The following UNC13A variants were observed in gnomAD, a reference collection of about 807,000 sequenced individuals.
The protein encoded by UNC13A is unc-13 homolog A, also known as protein unc-13 homolog A.
In UNC13A, 61 loss-of-function variants were observed where a neutral mutation model predicts 219.7. The ratio of observed to expected loss-of-function variants is 0.28; its 90% CI spans 0.23 to 0.34. The LOEUF (loss-of-function observed/expected upper bound fraction) is 0.34. Ranked by LOEUF, UNC13A falls within the 10% of genes least tolerant of loss-of-function variation. UNC13A has a pLI of 1.00. For synonymous variants in UNC13A, 920 were observed against 884.6 expected (o/e 1.04, Z -0.71); for missense variants, 1,476 against 2,270.3 (o/e 0.65, Z 7.11).
chr19:17,616,227 T>C (rs1261882779), intron 41 of UNC13A, among the ~76,000 whole-genome samples: 5 of 152,140 alleles, frequency 3.3e-5, no homozygotes, highest in Non-Finnish European at 7.4e-5. Flanking sequence ...TTCTTCCCCA[T>C]GTAGAACCAG....
intron 28 of UNC13A, among the ~76,000 whole-genome samples, chr19:17,632,305 A>G (rs1002055726): frequency 2.0e-5 from 3 of 152,276 alleles, no homozygotes; most frequent in Admixed American, 1.3e-4. Flanking sequence ...TCGGCCTCCC[A>G]AAGTCCTGGG....
At chr19:17,622,988 G>A (rs1246625125) in intron 36 of UNC13A, 1 of 152,638 alleles carries the variant, frequency 6.6e-6, no homozygotes, top group Non-Finnish European at 1.5e-5. Flanking sequence ...GCACCTGGGT[G>A]TATGTCTGGG....
chr19:17,655,003 T>C (rs1383367533), intron 11 of UNC13A, among the ~76,000 whole-genome samples: 5 of 152,064 alleles, frequency 3.3e-5, no homozygotes, highest in Non-Finnish European at 5.9e-5. Context: ...GCTGTGTGTG[T>C]ATGTGGCTAA....
intron 11 of UNC13A, among the ~76,000 whole-genome samples, chr19:17,653,397 G>C (rs575918648): frequency 1.8e-4 from 27 of 151,892 alleles, no homozygotes; most frequent in African/African-American, 6.5e-4. Context: ...GCCCAGGCTG[G>C]AGTGCAGTGG....
chr19:17,630,613 G>A (rs10417445), intron 29 of UNC13A, 41 bp downstream of exon 29: 136,422 of 1,605,630 alleles, frequency 0.085, 8,136 homozygotes, highest in African/African-American at 0.31. Context: ...ATTGACCCCA[G>A]TGGGAAGATT....
At chr19:17,623,436 A>G (rs2076750002) in intron 36 of UNC13A, 106 bp downstream of exon 36, 1 of 627,034 alleles carries the variant, frequency 1.6e-6, no homozygotes. Context: ...ATGGTGGGTG[A>G]GGAGGGGGCG....
At chr19:17,643,015 ATT>A (rs796922566) in intron 19 of UNC13A, 55 bp from the exon 20 acceptor site, 750 of 1,145,450 alleles carry the variant, frequency 6.5e-4, no homozygotes, top group South Asian at 9.9e-4. Context: ...GCAGTGGGCA[ATT>A]TTTTTTTTTT....
chr19:17,675,628 C>T (rs2079882404), intron 2 of UNC13A, among the ~76,000 whole-genome samples: 1 of 111,116 alleles, frequency 9.0e-6, no homozygotes, highest in African/African-American at 4.8e-5. Flanking sequence ...GAGACTCTGT[C>T]TCAAAAAAAA....
In UNC13A at chr19:17,652,677, C is replaced by T. The variant is rs1420168682; in HGVS notation, c.1393G>A (p.Ala465Thr). The T allele has an allele frequency of 2.5e-6, 4 of 1,613,748 alleles. No homozygotes were observed. Among genetic ancestry groups the T allele is most frequent in the Non-Finnish European group, 3.4e-6 (4 of 1,179,738 alleles). Residue 465 changes from alanine to threonine, a missense_variant and splice_region_variant, in exon 12 of 44, where the codon GCC (alanine) becomes ACC (threonine). Physicochemically the swap from Ala to Thr is moderately conservative, Grantham distance 58 (BLOSUM62 0). Transcript: ENST00000519716. ...TTAGACATCTCTCCTTCTCCCCGGG[C>T]CTGCAGGACAGACAGACAGATATGG... The part of the protein sequence containing the change: ...FNKVRMQLQE[A>T]RGEGEMSKSL...
Position 17,648,610 on chromosome 19 carries a change from T to C in UNC13A, c.1637A>G (p.Tyr546Cys). Residue 546 changes from tyrosine (Y) to cysteine (C), a missense_variant, in exon 16 of 44, where the codon TAC (tyrosine) becomes TGC (cysteine). Coordinates refer to ENST00000519716, the MANE Select transcript of UNC13A (RefSeq NM_001080421.3). ...VYKKTLQALIYPISCTTPHNF... is the reference protein window; with the variant it reads ...VYKKTLQALICPISCTTPHNF... ...GTGTGGCGTCGTGCACGAGATGGGGTAGATTAAGGCTTGCAGGGTCTTCTT... is the reference window on the plus strand; with the variant it reads ...GTGTGGCGTCGTGCACGAGATGGGGCAGATTAAGGCTTGCAGGGTCTTCTT... 1 of 1,612,642 alleles carries C rather than the reference T, an allele frequency of 6.2e-7. No homozygotes were observed. Among genetic ancestry groups the C allele is most frequent in the Non-Finnish European group, 8.5e-7 (1 of 1,179,008 alleles).
At chr19:17,650,609 C>T (rs995944332) in intron 12 of UNC13A, among the ~76,000 whole-genome samples, 9 of 152,068 alleles carry the variant, frequency 5.9e-5, no homozygotes, top group African/African-American at 2.2e-4. Context: ...CCCCAAGTAG[C>T]TGGGATTACA....
chr19:17,685,316 G>A (rs952779308), intron 1 of UNC13A, among the ~76,000 whole-genome samples: 1 of 151,820 alleles, frequency 6.6e-6, no homozygotes, highest in South Asian at 2.1e-4. Context: ...TCAGCCTCCC[G>A]AGTAGCTGAG....
At chr19:17,686,704 T>C (rs958880478) in intron 1 of UNC13A, among the ~76,000 whole-genome samples, 2 of 151,968 alleles carry the variant, frequency 1.3e-5, no homozygotes, top group Admixed American at 6.6e-5. Context: ...AGTAGGCCCC[T>C]GTCCCTTTAA....
Position 17,669,553 on chromosome 19 carries a change from C to T in UNC13A, c.394G>A (p.Asp132Asn), listed in dbSNP as rs1307065114. The T allele has an allele frequency of 6.2e-7, 1 of 1,613,494 alleles. No homozygotes were observed. The highest frequency in any genetic ancestry group is 8.5e-7 in the Non-Finnish European group (1 of 1,179,664). Residue 132 changes from aspartate to asparagine, a missense_variant and splice_region_variant, in exon 5 of 44, where the codon GAC (aspartate) becomes AAC (asparagine). Physicochemically the swap from Asp to Asn is conservative, Grantham distance 23. Coordinates refer to ENST00000519716, the MANE Select transcript of UNC13A (RefSeq NM_001080421.3). ...GAAGGTCCCGGGCCCCTGTACTCACCTAAGGGTAGCTCAAAGCGCGTGTCC... is the reference window on the plus strand; with the variant it reads ...GAAGGTCCCGGGCCCCTGTACTCACTTAAGGGTAGCTCAAAGCGCGTGTCC... Reference protein sequence around the residue: ...LLDTRFELPLDIPEEEARYWA... With the variant: ...LLDTRFELPLNIPEEEARYWA...
chr19:17,664,771 G>A (rs1253566105), intron 7 of UNC13A, among the ~76,000 whole-genome samples: 2 of 152,134 alleles, frequency 1.3e-5, no homozygotes, highest in Admixed American at 1.3e-4. Context: ...AGTTAGTGTG[G>A]AAACAGGGTA....
intron 26 of UNC13A, among the ~76,000 whole-genome samples, chr19:17,633,516 A>G (rs1208094469): frequency 6.6e-6 from 1 of 151,848 alleles, no homozygotes; most frequent in African/African-American, 2.4e-5. Context: ...GCAACTGTCC[A>G]CCCATCCATG....
At chr19:17,681,733 G>A (rs1011718919) in intron 1 of UNC13A, among the ~76,000 whole-genome samples, 1 of 152,170 alleles carries the variant, frequency 6.6e-6, no homozygotes, top group African/African-American at 2.4e-5. Flanking sequence ...GCTAAGAGCT[G>A]TCCCCCAGAG....
chr19:17,645,660 C>G lies in UNC13A; in HGVS notation c.2356+14G>C, dbSNP rs1417752268. Reference sequence around the variant, plus strand: ...GACCCGTCCCCACCCGCTTCAGAACCCAGCTTCTCTCACCCAGGTTGTACC... The same window carrying G: ...GACCCGTCCCCACCCGCTTCAGAACGCAGCTTCTCTCACCCAGGTTGTACC... On this transcript the variant is annotated intron_variant, in intron 19 of 43. Coordinates refer to ENST00000519716, the MANE Select transcript of UNC13A (RefSeq NM_001080421.3). 6.2e-7 allele frequency: 1 copy of G among 1,614,048 alleles called. No individual in the cohort carries two copies. Among genetic ancestry groups the G allele is most frequent in the Non-Finnish European group, 8.5e-7 (1 of 1,179,926 alleles).
At chr19:17,653,679 G>A (rs1568528901) in intron 11 of UNC13A, among the ~76,000 whole-genome samples, 1 of 151,462 alleles carries the variant, frequency 6.6e-6, no homozygotes, top group Non-Finnish European at 1.5e-5. Context: ...TTCTTTTAGA[G>A]ATGAGGTCTC....
Sources: gnomAD v4.1 joint callset for allele counts (sites outside exome capture counted in the v4.1 genomes callset) on GRCh38, gnomAD v4.1.1 for gene constraint, MANE v1.5 for transcripts, NCBI Gene and HGNC (gene_info 2026-07-23, HGNC 2026-07-21) for gene names.